The following TYW1B variants were observed in gnomAD, a reference collection of about 807,000 sequenced individuals.
TYW1B encodes S-adenosyl-L-methionine-dependent tRNA 4-demethylwyosine synthase TYW1B.
TYW1B carries 73 observed loss-of-function variants against 86.9 expected under a neutral mutation model. That is an observed-to-expected ratio of 0.84 (90% confidence interval 0.70 to 1.02). The LOEUF is 1.02. Ranked by LOEUF, TYW1B falls within the 50% of genes least tolerant of loss-of-function variation. The pLI is 0.00. For missense variants in TYW1B, 637 were observed against 827.4 expected (o/e 0.77, Z 2.82); for synonymous variants, 248 against 292.8 (o/e 0.85, Z 1.56).
chr7:72,601,072 G>A (rs1328038915), intron 13 of TYW1B, among the ~76,000 whole-genome samples: 3 of 151,404 alleles, frequency 2.0e-5, no homozygotes, highest in Non-Finnish European at 2.9e-5. Context: ...CAGAAGAATC[G>A]TTTGAACCCA....
At chr7:72,789,043 C>G (rs1788175613) in intron 6 of TYW1B, among the ~76,000 whole-genome samples, 1 of 151,372 alleles carries the variant, frequency 6.6e-6, no homozygotes, top group Non-Finnish European at 1.5e-5. Context: ...GTTGCCCAGG[C>G]TGGTCTCAAA....
chr7:72,786,578 T>C lies in TYW1B; in HGVS notation c.847-9045A>G, dbSNP rs1223982428. Among the ~76,000 whole-genome samples, 390 of 146,668 alleles carry C rather than the reference T, an allele frequency of 2.7e-3. 5 individuals are homozygous for C. Among genetic ancestry groups the C allele is most frequent in the Admixed American group, 3.9e-3 (57 of 14,700 alleles). On this transcript the variant is annotated intron_variant, in intron 6 of 13. Coordinates refer to ENST00000620995, the MANE Select transcript of TYW1B (RefSeq NM_001145440.3). Reference sequence around the variant, plus strand: ...AAGTTTTTAAATTCTTTTTTCTTTTTTTTTTTTTTTTTTTTGAGATAGGGT... The same window carrying C: ...AAGTTTTTAAATTCTTTTTTCTTTTCTTTTTTTTTTTTTTTGAGATAGGGT...
chr7:72,617,630 G>T (rs1266152370), intron 12 of TYW1B, among the ~76,000 whole-genome samples: 2 of 152,200 alleles, frequency 1.3e-5, no homozygotes, highest in Admixed American at 1.3e-4. Flanking sequence ...GCCTCCCAAA[G>T]TGCTGGGATC....
chr7:72,808,688 C>T (rs781522487), intron 4 of TYW1B, among the ~76,000 whole-genome samples: 13 of 151,710 alleles, frequency 8.6e-5, no homozygotes, highest in South Asian at 2.1e-4. Flanking sequence ...CCACCATGCC[C>T]GGCTAATTTT....
intron 6 of TYW1B, among the ~76,000 whole-genome samples, chr7:72,782,364 G>A (rs1428420071): frequency 1.3e-4 from 20 of 152,056 alleles, no homozygotes; most frequent in Admixed American, 1.1e-3. Context: ...AGAAACCACA[G>A]TACCATCCAA....
chr7:72,770,665 T>C (rs1267414610), intron 7 of TYW1B, among the ~76,000 whole-genome samples: 1 of 152,164 alleles, frequency 6.6e-6, no homozygotes, highest in African/African-American at 2.4e-5. Flanking sequence ...ATTGCACTTC[T>C]AGGCATTTAC....
rs180717879 is a variant in TYW1B, at chr7:72,583,396, G to T, written c.1786-7677C>A. Among the ~76,000 whole-genome samples, 5 of 152,100 alleles carry T rather than the reference G, an allele frequency of 3.3e-5. 1 individual carries two copies. In the South Asian group the frequency reaches 6.2e-4, roughly 19 times the overall value. Reference sequence around the variant, plus strand: ...AAAATGGCGGGTTGGGGGTGCAGGGGCGAGCAGCAATATAAGTATGCTATT... The same window carrying T: ...AAAATGGCGGGTTGGGGGTGCAGGGTCGAGCAGCAATATAAGTATGCTATT... On this transcript the variant is annotated intron_variant, in intron 13 of 13. Transcript: ENST00000620995.
At chr7:72,780,921 A>C (rs1190509558) in intron 6 of TYW1B, among the ~76,000 whole-genome samples, 2 of 151,962 alleles carry the variant, frequency 1.3e-5, no homozygotes, top group Non-Finnish European at 2.9e-5. Flanking sequence ...TAACAATATA[A>C]CAACCATGTA....
chr7:72,645,441 C>T (rs1554441924), intron 11 of TYW1B, among the ~76,000 whole-genome samples: 1 of 152,136 alleles, frequency 6.6e-6, no homozygotes, highest in African/African-American at 2.4e-5. Flanking sequence ...TCCAAATACA[C>T]AGTGAACATC....
At chr7:72,664,973 G>T (rs1368088159) in intron 11 of TYW1B, among the ~76,000 whole-genome samples, 1 of 152,086 alleles carries the variant, frequency 6.6e-6, no homozygotes, top group Non-Finnish European at 1.5e-5. Flanking sequence ...TAAACGCTAG[G>T]TAGTCTTTAC....
At chr7:72,662,418 TATATATATATAG>T (rs1164377373) in intron 11 of TYW1B, among the ~76,000 whole-genome samples, 7,688 of 49,256 alleles carry the variant, frequency 0.16, 248 homozygotes, top group East Asian at 0.27. Context: ...AGGTTTTTAA[TATATATATATAG>T]ATAGATAGAT....
At chr7:72,691,475 C>T (rs1284449426) in intron 11 of TYW1B, among the ~76,000 whole-genome samples, 1 of 152,206 alleles carries the variant, frequency 6.6e-6, no homozygotes, top group Non-Finnish European at 1.5e-5. Context: ...TGAGCAAACC[C>T]AGAGTGATTA....
At chr7:72,751,692 G>A (rs902235446) in intron 7 of TYW1B, among the ~76,000 whole-genome samples, 1 of 152,120 alleles carries the variant, frequency 6.6e-6, no homozygotes, top group African/African-American at 2.4e-5. Flanking sequence ...TCCTTGGTAT[G>A]GCAAGAGATG....
At position 72,807,289 on chromosome 7, in the gene TYW1B, C is replaced by T. The variant is rs781966416; in HGVS notation, c.500G>A (p.Gly167Asp). Residue 167 changes from glycine (G) to aspartate (D), a missense_variant, in exon 5 of 14, where the codon GGC (glycine) becomes GAC (aspartate). By Grantham distance (94) the Gly-to-Asp change is moderately conservative. Coordinates refer to ENST00000620995, the MANE Select transcript of TYW1B (RefSeq NM_001145440.3). The stretch of plus-strand genomic sequence containing the variant: ...CTTGCTTTTAACCACGTCGCAGTCG[C>T]CCTCCCCTCGACTCATCACACGATG... ...GVHRVMSRGE[G>D]DCDVVKSKHG... The T allele has an allele frequency of 6.2e-7, 1 of 1,614,154 alleles. No homozygotes were observed. Among genetic ancestry groups the T allele is most frequent in the South Asian group, 1.1e-5 (1 of 91,084 alleles).
intron 2 of TYW1B, chr7:72,823,312 A>G (rs1351277413): frequency 6.6e-6 from 1 of 151,120 alleles, no homozygotes; most frequent in East Asian, 2.0e-4. Flanking sequence ...CCGGGCCAAG[A>G]CCTTGTCTCT....
intron 13 of TYW1B, among the ~76,000 whole-genome samples, chr7:72,608,418 G>A (rs1211988146): frequency 6.6e-6 from 1 of 152,220 alleles, no homozygotes; most frequent in African/African-American, 2.4e-5. Flanking sequence ...AGAGATTTAA[G>A]AGGGGTAAAG....
intron 10 of TYW1B, among the ~76,000 whole-genome samples, chr7:72,704,017 A>G (rs1308693068): frequency 6.6e-6 from 1 of 152,188 alleles, no homozygotes; most frequent in Non-Finnish European, 1.5e-5. Context: ...TCAATTAAAA[A>G]TCTACTACTG....
chr7:72,744,630 A>T, intron 7 of TYW1B, 29 bp from the exon 8 acceptor site: 1 of 1,612,308 alleles, frequency 6.2e-7, no homozygotes, highest in Non-Finnish European at 8.5e-7. Flanking sequence ...TCACAATTTG[A>T]ATAAAATCGT....
chr7:72,822,364 T>C (rs1788845999), intron 2 of TYW1B, among the ~76,000 whole-genome samples: 1 of 151,110 alleles, frequency 6.6e-6, no homozygotes, highest in South Asian at 2.1e-4. Context: ...ACACAAATCG[T>C]CAAAATGCAT....
Sources: gnomAD v4.1 joint callset for allele counts (sites outside exome capture counted in the v4.1 genomes callset) on GRCh38, gnomAD v4.1.1 for gene constraint, MANE v1.5 for transcripts, NCBI Gene and HGNC (gene_info 2026-07-23, HGNC 2026-07-21) for gene names.